Variants in GPC6 observed in about 807,000 individuals in gnomAD.
GPC6 encodes the protein glypican-6.
GPC6 carries 14 observed loss-of-function variants against 55.2 expected under a neutral mutation model. The observed-to-expected ratio is 0.25, with a 90% CI of 0.17 to 0.40. The LOEUF (loss-of-function observed/expected upper bound fraction) is 0.40. Ranked by LOEUF, GPC6 falls within the 10% of genes least tolerant of loss-of-function variation. The pLI is 1.00. For missense variants in GPC6, 641 were observed against 708.5 expected (o/e 0.90, Z 1.08); for synonymous variants, 278 against 259.6 (o/e 1.07, Z -0.68).
At chr13:93,623,435 GTTTTCTTTTC>G (rs1160238919) in intron 2 of GPC6, among the ~76,000 whole-genome samples, 2 of 89,552 alleles carry the variant, frequency 2.2e-5, no homozygotes, top group Admixed American at 1.2e-4. Flanking sequence ...GACAATGGTT[GTTTTCTTTTC>G]TTTTCTTTTC....
intron 2 of GPC6, among the ~76,000 whole-genome samples, chr13:93,634,435 T>G (rs935775648): frequency 5.3e-5 from 8 of 152,164 alleles, no homozygotes; most frequent in African/African-American, 1.9e-4. Flanking sequence ...CTGTAATCAC[T>G]TAGAACCATA....
chr13:93,643,395 G>A (rs1019347315), intron 2 of GPC6, among the ~76,000 whole-genome samples: 1 of 152,034 alleles, frequency 6.6e-6, no homozygotes, highest in Non-Finnish European at 1.5e-5. Context: ...AGATTAACAG[G>A]AGAAAAGCAC....
intron 3 of GPC6, among the ~76,000 whole-genome samples, chr13:93,839,846 A>T (rs1043364353): frequency 6.6e-6 from 1 of 151,914 alleles, no homozygotes; most frequent in Non-Finnish European, 1.5e-5. Context: ...TATTTTTTTG[A>T]TATGTTGTTG....
intron 4 of GPC6, among the ~76,000 whole-genome samples, chr13:94,084,730 T>A (rs9561497): frequency 0.8 from 121,667 of 152,124 alleles, 48,919 homozygotes; most frequent in South Asian, 0.88. Flanking sequence ...AGAGTTTAGT[T>A]AACTTGCTCA....
rs563743824 is a variant in GPC6 at position 93,402,935 on chromosome 13, T to C, written c.161-142328T>C. Among the ~76,000 whole-genome samples, 19 of 152,268 alleles carry C rather than the reference T, an allele frequency of 1.2e-4. No individual in the cohort carries two copies. In the South Asian group the frequency reaches 3.7e-3, roughly 30 times the overall value. ...TGAGTATACATATCTTGAAAAATCA[T>C]CGCTTTGAGATAATTTTTTTAAAAA... is the stretch of plus-strand genomic sequence containing the variant. On this transcript the variant is annotated intron_variant, in intron 1 of 8. Transcript: ENST00000377047.
intron 1 of GPC6, among the ~76,000 whole-genome samples, chr13:93,499,669 C>T (rs1235023217): frequency 6.6e-6 from 1 of 152,138 alleles, no homozygotes; most frequent in Non-Finnish European, 1.5e-5. Flanking sequence ...AATAGGGAGG[C>T]GGATGCTGAG....
intron 1 of GPC6, among the ~76,000 whole-genome samples, chr13:93,269,795 C>T (rs1468375559): frequency 1.5e-5 from 2 of 129,112 alleles, no homozygotes; most frequent in African/African-American, 3.0e-5. Flanking sequence ...AAAAAATTAA[C>T]GGGGTGTGGA....
intron 3 of GPC6, among the ~76,000 whole-genome samples, chr13:94,011,592 A>G (rs1022198264): frequency 2.0e-5 from 3 of 152,194 alleles, no homozygotes; most frequent in Non-Finnish European, 2.9e-5. Context: ...TGTTTACTTA[A>G]GATAAAAATA....
At chr13:94,030,872 A>G (rs1442392288) in intron 4 of GPC6, among the ~76,000 whole-genome samples, 1 of 152,154 alleles carries the variant, frequency 6.6e-6, no homozygotes, top group Non-Finnish European at 1.5e-5. Flanking sequence ...CAATGCCACA[A>G]ATTAATTGAA....
chr13:93,971,324 G>A (rs897943213), intron 3 of GPC6, among the ~76,000 whole-genome samples: 11 of 152,146 alleles, frequency 7.2e-5, no homozygotes, highest in Non-Finnish European at 1.3e-4. Context: ...GAATGTGAAA[G>A]AAGTAACTGT....
intron 2 of GPC6, among the ~76,000 whole-genome samples, chr13:93,797,942 G>A (rs1489025161): frequency 6.6e-6 from 1 of 152,142 alleles, no homozygotes; most frequent in East Asian, 1.9e-4. Flanking sequence ...AAGGGTAATA[G>A]GCCCTGGAAT....
chr13:93,656,288 TTTGCAGTTATTGA>T (rs2139605903), intron 2 of GPC6, among the ~76,000 whole-genome samples: 1 of 152,240 alleles, frequency 6.6e-6, no homozygotes, highest in Non-Finnish European at 1.5e-5. Context: ...TTGAAAGATG[TTTGCAGTTATTGA>T]TTTTATAGTG....
intron 6 of GPC6, among the ~76,000 whole-genome samples, chr13:94,363,586 A>G (rs2139183883): frequency 6.6e-6 from 1 of 152,292 alleles, no homozygotes; most frequent in Admixed American, 6.5e-5. Context: ...TCATTCAGAC[A>G]ACAACCCCTA....
intron 4 of GPC6, among the ~76,000 whole-genome samples, chr13:94,067,799 T>C (rs1235663912): frequency 6.6e-6 from 1 of 152,174 alleles, no homozygotes; most frequent in East Asian, 1.9e-4. Context: ...ACCACCTTAG[T>C]GGTCAAATGG....
In GPC6 at chr13:93,643,304, G is replaced by C. The variant is rs187610612; in HGVS notation, c.319+97883G>C. On this transcript the variant is annotated intron_variant, in intron 2 of 8. Transcript: ENST00000377047. ...CCTCCATATTTTCTCTATTGCCTTA[G>C]GCAGAGTAGGGGGGTTCAAAACTTT... Among the ~76,000 whole-genome samples the C allele has an allele frequency of 1.6e-3, 243 of 152,130 alleles. 2 individuals are homozygous for C. The highest frequency in any genetic ancestry group is 5.5e-3 in the African/African-American group (229 of 41,504).
chr13:93,510,999 A>ATATATATATG (rs1257045748), intron 1 of GPC6, among the ~76,000 whole-genome samples: 2 of 22,800 alleles, frequency 8.8e-5, no homozygotes, highest in African/African-American at 1.8e-4. Context: ...ATATATATAT[A>ATATATATATG]TATATATTCA....
At chr13:94,304,200 A>G (rs1170349112) in intron 5 of GPC6, among the ~76,000 whole-genome samples, 1 of 152,256 alleles carries the variant, frequency 6.6e-6, no homozygotes, top group Non-Finnish European at 1.5e-5. Context: ...GAGAAGAATA[A>G]TCAATAGTGT....
At chr13:93,963,709 T>G (rs537414857) in intron 3 of GPC6, among the ~76,000 whole-genome samples, 16 of 152,332 alleles carry the variant, frequency 1.1e-4, no homozygotes, top group African/African-American at 3.8e-4. Flanking sequence ...TGCTGGTGAC[T>G]GATGACTCAT....
At chr13:94,115,965 A>T (rs534287043) in intron 4 of GPC6, among the ~76,000 whole-genome samples, 1 of 152,068 alleles carries the variant, frequency 6.6e-6, no homozygotes, top group Admixed American at 6.6e-5. Context: ...AGGGGCCTGT[A>T]TTGCCCCATA....
Sources: gnomAD v4.1 joint callset for allele counts (sites outside exome capture counted in the v4.1 genomes callset) on GRCh38, gnomAD v4.1.1 for gene constraint, MANE v1.5 for transcripts, NCBI Gene and HGNC (gene_info 2026-07-23, HGNC 2026-07-21) for gene names.